Variants in MKLN1 observed in about 807,000 individuals in gnomAD.
The protein encoded by MKLN1 is muskelin 1.
A neutral mutation model predicts 99.0 loss-of-function variants in MKLN1; 18 were observed. That is an observed-to-expected ratio of 0.18 (90% CI 0.13 to 0.27). The LOEUF (loss-of-function observed/expected upper bound fraction) is 0.27. MKLN1 is among the 10% of genes least tolerant of loss of function. The pLI, the probability that MKLN1 is intolerant of heterozygous loss-of-function variation, is 1.00. For synonymous variants in MKLN1, 288 were observed against 293.2 expected, an observed-to-expected ratio of 0.98 and a Z score of 0.18; for missense variants, 621 against 875.9, an observed-to-expected ratio of 0.71 and a Z score of 3.67.
At chr7:131,479,407 A>G (rs1797056531) in intron 17 of MKLN1, among the ~76,000 whole-genome samples, 1 of 152,148 alleles carries the variant, frequency 6.6e-6, no homozygotes, top group South Asian at 2.1e-4. Flanking sequence ...GTGTGCGCCC[A>G]TAGTCCTAGC....
At chr7:131,312,867 G>A (rs1332831133) in intron 3 of MKLN1, among the ~76,000 whole-genome samples, 5 of 152,164 alleles carry the variant, frequency 3.3e-5, no homozygotes, top group Non-Finnish European at 7.3e-5. Context: ...GTGCTATGGA[G>A]ACAATGCCTG....
intron 2 of MKLN1, among the ~76,000 whole-genome samples, chr7:131,185,708 C>T (rs1796440376): frequency 6.6e-6 from 1 of 152,162 alleles, no homozygotes; most frequent in Non-Finnish European, 1.5e-5. Context: ...ACATACTAGC[C>T]GTATGACCTT....
chr7:131,167,076 T>A (rs538779253), intron 2 of MKLN1, among the ~76,000 whole-genome samples: 1 of 152,128 alleles, frequency 6.6e-6, no homozygotes, highest in Non-Finnish European at 1.5e-5. Flanking sequence ...TCTCTCCAGT[T>A]TCCTCTTCCC....
intron 8 of MKLN1, among the ~76,000 whole-genome samples, chr7:131,423,831 G>C (rs895812716): frequency 2.0e-5 from 3 of 152,254 alleles, no homozygotes; most frequent in Admixed American, 6.5e-5. Context: ...ACTTCATTAG[G>C]AATACAAAGT....
intron 3 of MKLN1, among the ~76,000 whole-genome samples, chr7:131,209,697 A>G (rs1348050443): frequency 1.3e-5 from 2 of 152,192 alleles, no homozygotes; most frequent in Non-Finnish European, 2.9e-5. Flanking sequence ...GCTTCAAGTG[A>G]TGAATTATGA....
At chr7:131,318,447 C>G (rs1798710837) in intron 3 of MKLN1, among the ~76,000 whole-genome samples, 1 of 152,088 alleles carries the variant, frequency 6.6e-6, no homozygotes, top group Admixed American at 6.6e-5. Flanking sequence ...TGGGACACAG[C>G]TAAAGCAGTG....
intron 7 of MKLN1, 80 bp from the exon 8 acceptor site, chr7:131,414,564 AT>A: frequency 1.0e-6 from 1 of 954,808 alleles, no homozygotes; most frequent in South Asian, 1.5e-5. Flanking sequence ...TTTACTACTG[AT>A]TACAGACTTA....
intron 3 of MKLN1, among the ~76,000 whole-genome samples, chr7:131,275,644 T>C (rs898050896): frequency 5.7e-5 from 8 of 139,812 alleles, no homozygotes; most frequent in Non-Finnish European, 1.1e-4. Flanking sequence ...TTGGCCAGGC[T>C]GGTCTCAAAC....
intron 3 of MKLN1, among the ~76,000 whole-genome samples, chr7:131,282,132 C>G (rs1798060626): frequency 6.6e-6 from 1 of 151,586 alleles, no homozygotes; most frequent in Non-Finnish European, 1.5e-5. Context: ...GGTGGATTAC[C>G]TGAGTTTGGG....
At chr7:131,372,418 T>G (rs1793492627) in intron 1 of MKLN1, among the ~76,000 whole-genome samples, 1 of 152,076 alleles carries the variant, frequency 6.6e-6, no homozygotes, top group African/African-American at 2.4e-5. Context: ...AAAAATTACT[T>G]GTAATCTCCC....
At chr7:131,372,330 A>G (rs1793489312) in intron 1 of MKLN1, among the ~76,000 whole-genome samples, 1 of 151,974 alleles carries the variant, frequency 6.6e-6, no homozygotes, top group African/African-American at 2.4e-5. Flanking sequence ...CATTTTTGGG[A>G]AAAAGCTTTT....
At chr7:131,314,849 T>C (rs995492502) in intron 3 of MKLN1, among the ~76,000 whole-genome samples, 3 of 151,934 alleles carry the variant, frequency 2.0e-5, no homozygotes, top group African/African-American at 7.3e-5. Context: ...ACAGTTCATC[T>C]AGCCTTGACA....
intron 14 of MKLN1, among the ~76,000 whole-genome samples, 187 bp downstream of exon 14, chr7:131,464,595 C>T (rs11977312): frequency 0.036 from 5,428 of 152,244 alleles, 123 homozygotes; most frequent in Non-Finnish European, 0.051. Flanking sequence ...AGCATTTTTA[C>T]GTAGTCTGTA....
chr7:131,207,747 T>C (rs984781855), intron 3 of MKLN1, among the ~76,000 whole-genome samples: 1 of 152,036 alleles, frequency 6.6e-6, no homozygotes, highest in Non-Finnish European at 1.5e-5. Flanking sequence ...ATTGCAAAGG[T>C]CTGGAAAAGG....
intron 17 of MKLN1, among the ~76,000 whole-genome samples, chr7:131,483,049 G>C (rs759738619): frequency 1.3e-5 from 2 of 152,154 alleles, no homozygotes; most frequent in Non-Finnish European, 2.9e-5. Flanking sequence ...CTCTCACTGA[G>C]CTTTACCAGT....
chr7:131,470,606 C>G (rs1796791761), intron 15 of MKLN1, among the ~76,000 whole-genome samples: 1 of 152,220 alleles, frequency 6.6e-6, no homozygotes, highest in Admixed American at 6.5e-5. Context: ...CCTACCCAGT[C>G]TCTAGCACCA....
chr7:131,222,638 C>T (rs1042430143), intron 3 of MKLN1, among the ~76,000 whole-genome samples: 1 of 152,162 alleles, frequency 6.6e-6, no homozygotes, highest in Admixed American at 6.5e-5. Flanking sequence ...AGGCTTAATT[C>T]TGCAGAAGAC....
At chr7:131,373,870 A>G (rs1793546927) in intron 1 of MKLN1, among the ~76,000 whole-genome samples, 2 of 152,086 alleles carry the variant, frequency 1.3e-5, no homozygotes, top group African/African-American at 2.4e-5. Flanking sequence ...CCCACATTAC[A>G]TTTAGTTGTC....
At chr7:131,215,172 C>A (rs1421391293) in intron 3 of MKLN1, among the ~76,000 whole-genome samples, 3 of 151,240 alleles carry the variant, frequency 2.0e-5, no homozygotes, top group African/African-American at 4.9e-5. Context: ...TCAGCCCCCA[C>A]CAAATAGCTG....
Sources: allele counts gnomAD v4.1 joint callset (sites outside exome capture counted in the v4.1 genomes callset), GRCh38; gene constraint gnomAD v4.1.1; transcripts MANE v1.5; gene names NCBI Gene and HGNC (gene_info 2026-07-23, HGNC 2026-07-21).